BMP10: variants seen among roughly 807,000 people sequenced by gnomAD.
BMP10 encodes the protein bone morphogenetic protein 10.
A neutral mutation model predicts 29.9 loss-of-function variants in BMP10; 9 were observed. The observed-to-expected ratio is 0.30, with a 90% CI of 0.18 to 0.53. The LOEUF is 0.53. BMP10 is among the 20% of genes least tolerant of loss of function. The pLI is 0.96. For synonymous variants in BMP10, 202 were observed against 200.2 expected (o/e 1.01, Z -0.07); for missense variants, 474 against 524.3 (o/e 0.90, Z 0.94).
In BMP10 at chr2:68,866,332, A is replaced by C; in HGVS notation, c.574T>G (p.Tyr192Asp). 1 of 1,613,902 alleles carries C rather than the reference A, an allele frequency of 6.2e-7. No homozygotes were observed. Residue 192 changes from tyrosine to aspartate, a missense_variant, in exon 2 of 2, where the codon TAT becomes GAT. By Grantham distance (160) the Tyr-to-Asp change is radical. Transcript: ENST00000295379. ...GTCTCCCACTCACTGTTGGTTCCAT[A>C]TATCTCCCCAGACACCAAGACCAGC... ...NMLVLVSGEI[Y>D]GTNSEWETFD...
intron 1 of BMP10, among the ~76,000 whole-genome samples, chr2:68,870,193 C>T (rs938257107): frequency 6.6e-6 from 1 of 152,144 alleles, no homozygotes; most frequent in Admixed American, 6.5e-5. Context: ...CCTTCAGCTT[C>T]TACTATAGAT....
At chr2:68,870,994 T>G in intron 1 of BMP10, 31 bp downstream of exon 1, 1 of 1,585,504 alleles carries the variant, frequency 6.3e-7, no homozygotes. Context: ...TTGAAAAAAA[T>G]CCTAGCAAAA....
Position 68,871,162 on chromosome 2 carries a change from AG to A in BMP10, c.196del (p.Leu66Ter), listed in dbSNP as rs867113819. ...CTGCGTGGGGATGTCAGAGAGGTTT[AG>A]TGTCTTAAGAAACTCATCCTTCATG... ...QSMKDEFLKT[L>X]NLSDIPTQDS... On this transcript the variant is annotated frameshift_variant, in exon 1 of 2. Transcript: ENST00000295379. LOFTEE classifies it high-confidence loss of function. 3 of 1,614,020 alleles carry A rather than the reference AG, an allele frequency of 1.9e-6. No individual in the cohort carries two copies. The highest frequency in any genetic ancestry group is 2.5e-6 in the Non-Finnish European group (3 of 1,180,022).
At position 68,866,443 on chromosome 2, in the gene BMP10, G is replaced by T. The variant is rs528178471; in HGVS notation, c.463C>A (p.Arg155Ser). The T allele has an allele frequency of 2.5e-6, 4 of 1,613,752 alleles. No homozygotes were observed. The South Asian group carries it at 4.4e-5, about 18-fold the overall frequency. ...LRLYTLVQRD[R>S]MIYDGVDRKI... ...CGGTCTACTCCATCGTATATCATAC[G>T]ATCCCTTTGCACCAGTGTGTATAGC... Residue 155 changes from arginine to serine, a missense_variant, in exon 2 of 2, where the codon CGT becomes AGT. By Grantham distance (110) the Arg-to-Ser change is moderately radical. This residue lies in a region of BMP10 where 408 missense variants were observed against 415.3 expected (regional missense o/e 0.98). Coordinates refer to ENST00000295379, the MANE Select transcript of BMP10 (RefSeq NM_014482.3).
Position 68,866,207 on chromosome 2 carries a change from A to C in BMP10, c.699T>G (p.Asp233Glu), listed in dbSNP as rs1441368989. Residue 233 changes from aspartate to glutamate, a missense_variant, in exon 2 of 2, where the codon GAT becomes GAG. By Grantham distance (45) the Asp-to-Glu change is conservative. Around this residue, in one of 2 missense-constraint regions of BMP10, gnomAD observed 408 missense variants for 415.3 expected, o/e 0.98. Transcript: ENST00000295379. ...CTATTTCTAGCCGTCCACTGCTGGC[A>C]TCCTCAGCTTCATCGTGTTTGCTCT... Reference protein sequence around the residue: ...HIESKHDEAEDASSGRLEIDT... With the variant: ...HIESKHDEAEEASSGRLEIDT... The C allele has an allele frequency of 6.2e-7, 1 of 1,614,000 alleles. No homozygotes were observed. Among genetic ancestry groups the C allele is most frequent in the Admixed American group, 1.7e-5 (1 of 59,984 alleles).
chr2:68,870,643 G>A (rs1447129328), intron 1 of BMP10, among the ~76,000 whole-genome samples: 6 of 152,162 alleles, frequency 3.9e-5, no homozygotes, highest in African/African-American at 1.4e-4. Flanking sequence ...TAGAAGTTGA[G>A]AAATTTTTTA....
intron 1 of BMP10, among the ~76,000 whole-genome samples, chr2:68,868,717 T>A (rs910398193): frequency 1.3e-5 from 2 of 151,884 alleles, no homozygotes; most frequent in African/African-American, 4.8e-5. Flanking sequence ...CATGGAAGAG[T>A]AGGCTGGTTG....
intron 1 of BMP10, among the ~76,000 whole-genome samples, chr2:68,867,325 C>A (rs1381688631): frequency 6.6e-6 from 1 of 152,150 alleles, no homozygotes; most frequent in African/African-American, 2.4e-5. Context: ...GGCAACAAAG[C>A]CTGACAAGGC....
intron 1 of BMP10, 136 bp from the exon 2 acceptor site, chr2:68,866,707 C>A: frequency 1.4e-6 from 1 of 700,502 alleles, no homozygotes; most frequent in Non-Finnish European, 2.3e-6. Context: ...TCAATGAGAA[C>A]AAACACAATG....
Position 68,863,605 on chromosome 2 carries a change from T to C in BMP10, c.*2026A>G, listed in dbSNP as rs1682900658. Among the ~76,000 whole-genome samples the C allele has an allele frequency of 6.6e-6, 1 of 152,180 alleles. No individual in the cohort carries two copies. Among genetic ancestry groups the C allele is most frequent in the Non-Finnish European group, 1.5e-5 (1 of 68,028 alleles). ...CCACAAATAGTGATTCTGAGTTGCA[T>C]GGCTTTCTCAAAGCATCAATCACTG... On this transcript the variant is annotated 3_prime_UTR_variant, in exon 2 of 2. Coordinates refer to ENST00000295379, the MANE Select transcript of BMP10 (RefSeq NM_014482.3).
chr2:68,865,573 A>C lies in BMP10; in HGVS notation c.*58T>G. ...ACACCCTTATTAAATAATCTCATTAAATAGGAACACCAAATATACACATTT... is the reference window on the plus strand; with the variant it reads ...ACACCCTTATTAAATAATCTCATTACATAGGAACACCAAATATACACATTT... On this transcript the variant is annotated 3_prime_UTR_variant, in exon 2 of 2. Coordinates refer to ENST00000295379, the MANE Select transcript of BMP10 (RefSeq NM_014482.3). The surrounding 1 kb of genome is among the most constrained non-coding windows in gnomAD (Gnocchi z 4.7). 1 of 1,503,374 alleles carries C rather than the reference A, an allele frequency of 6.7e-7. No individual in the cohort carries two copies. The highest frequency in any genetic ancestry group is 9.1e-7 in the Non-Finnish European group (1 of 1,101,334). 93.1% of individuals were successfully genotyped at this position (1,503,374 alleles called of 1,614,324 possible). A position where few individuals can be genotyped will look rare whatever the true frequency, so the allele number is the denominator to read the frequency against.
chr2:68,866,233 C>T lies in BMP10; in HGVS notation c.673G>A (p.Glu225Lys). The change falls in exon 2 of 2, where the codon GAG becomes AAG. Residue 225 changes from glutamate to lysine, a missense_variant. Physicochemically the swap from Glu to Lys is moderately conservative, Grantham distance 56 (BLOSUM62 1). Transcript: ENST00000295379. Reference sequence around the variant, plus strand: ...TCCTCAGCTTCATCGTGTTTGCTCTCAATGTGGACCTCCAGCTGGTGGGTG... The same window carrying T: ...TCCTCAGCTTCATCGTGTTTGCTCTTAATGTGGACCTCCAGCTGGTGGGTG... ...SSTHQLEVHI[E>K]SKHDEAEDAS... 6.2e-7 allele frequency: 1 copy of T among 1,614,084 alleles called. No homozygotes were observed. Among genetic ancestry groups the T allele is most frequent in the South Asian group, 1.1e-5 (1 of 91,078 alleles).
In BMP10 at chr2:68,869,632, C is replaced by A. The variant is rs185697033; in HGVS notation, c.334+1393G>T. On this transcript the variant is annotated intron_variant, in intron 1 of 1. Coordinates refer to ENST00000295379, the MANE Select transcript of BMP10 (RefSeq NM_014482.3). ...CACCCTGAGCCAGACACTTAGGGCTCAGTGCTGAGAAGTATTAGGGAGGGT... is the reference window on the plus strand; with the variant it reads ...CACCCTGAGCCAGACACTTAGGGCTAAGTGCTGAGAAGTATTAGGGAGGGT... Among the ~76,000 whole-genome samples, 39 of 152,274 alleles carry A rather than the reference C, an allele frequency of 2.6e-4. No homozygotes were observed. The East Asian group carries it at 6.8e-3, about 26-fold the overall frequency.
chr2:68,861,408 A>G lies in BMP10; in HGVS notation c.*4223T>C, dbSNP rs1682851441. 6.6e-6 allele frequency among the ~76,000 whole-genome samples: 1 copy of G among 152,212 alleles called. No homozygotes were observed. The highest frequency in any genetic ancestry group is 2.1e-4 in the South Asian group (1 of 4,834). On this transcript the variant is annotated 3_prime_UTR_variant, in exon 2 of 2. Coordinates refer to ENST00000295379, the MANE Select transcript of BMP10 (RefSeq NM_014482.3). ...ATGATGGGTTTTTAACTTATGACAAATATTTCACATGCAGAAACACCCCTG... is the reference window on the plus strand; with the variant it reads ...ATGATGGGTTTTTAACTTATGACAAGTATTTCACATGCAGAAACACCCCTG...
rs1682874769 is a variant in BMP10 at position 68,862,380 on chromosome 2, A to G, written c.*3251T>C. ...ATATGTGAGCCATACTCTGAAGCCC[A>G]GAAGACTCTCTATCCAAAAGGGAAT... On this transcript the variant is annotated 3_prime_UTR_variant, in exon 2 of 2. Coordinates refer to ENST00000295379, the MANE Select transcript of BMP10 (RefSeq NM_014482.3). Among the ~76,000 whole-genome samples, 2 of 152,228 alleles carry G rather than the reference A, an allele frequency of 1.3e-5. No homozygotes were observed. The highest frequency in any genetic ancestry group is 6.5e-5 in the Admixed American group (1 of 15,282).
Position 68,865,491 on chromosome 2 carries a change from T to C in BMP10, c.*140A>G. ...ACTTAACTGGAGAGGAAAATATGCA[T>C]TTCCTACAACAAACTGACCTGTCCA... On this transcript the variant is annotated 3_prime_UTR_variant, in exon 2 of 2. Transcript: ENST00000295379. The surrounding 1 kb of genome is among the most constrained non-coding windows in gnomAD (Gnocchi z 4.7). The C allele has an allele frequency of 1.2e-6, 1 of 861,476 alleles. No homozygotes were observed. The highest frequency in any genetic ancestry group is 1.8e-6 in the Non-Finnish European group (1 of 570,688). 53.4% of individuals were successfully genotyped at this position (861,476 alleles called of 1,614,324 possible).
Position 68,865,371 on chromosome 2 carries a change from T to C in BMP10, c.*260A>G. 2.0e-6 allele frequency: 1 copy of C among 492,038 alleles called. No individual in the cohort carries two copies. The highest frequency in any genetic ancestry group is 3.6e-6 in the Non-Finnish European group (1 of 276,868). 30.5% of individuals were successfully genotyped at this position (492,038 alleles called of 1,614,324 possible). On this transcript the variant is annotated 3_prime_UTR_variant, in exon 2 of 2. Transcript: ENST00000295379. This position sits in a 1 kb window ranked among gnomAD's most constrained non-coding sequence, Gnocchi z 4.7. ...TATACATACACAAGTGTGTGTCTTT[T>C]GACACTGTATTTTGCCTAGGGGTTG...
At position 68,865,434 on chromosome 2, in the gene BMP10, G is replaced by C. The variant is rs1682931977; in HGVS notation, c.*197C>G. On this transcript the variant is annotated 3_prime_UTR_variant, in exon 2 of 2. Transcript: ENST00000295379. The surrounding 1 kb of genome is among the most constrained non-coding windows in gnomAD (Gnocchi z 4.7). Reference sequence around the variant, plus strand: ...CAGGGAGGTGGCATTGCCAGGAAATGGCAAGTCCAAAGAGAAAACAGATTG... The same window carrying C: ...CAGGGAGGTGGCATTGCCAGGAAATCGCAAGTCCAAAGAGAAAACAGATTG... 1.7e-6 allele frequency: 1 copy of C among 597,166 alleles called. No homozygotes were observed. The highest frequency in any genetic ancestry group is 2.8e-6 in the Non-Finnish European group (1 of 355,340). The allele number at this position is 597,166 out of a possible 1,614,324, so 37.0% of individuals were successfully genotyped here. A position where few individuals can be genotyped will look rare whatever the true frequency, so the allele number is the denominator to read the frequency against.
intron 1 of BMP10, 60 bp downstream of exon 1, chr2:68,870,965 T>C (rs1683055355): frequency 6.9e-7 from 1 of 1,442,936 alleles, no homozygotes; most frequent in Non-Finnish European, 9.6e-7. Flanking sequence ...CCATGCATTG[T>C]AAATTTACTT....
Sources: gnomAD v4.1 joint callset for allele counts (sites outside exome capture counted in the v4.1 genomes callset) on GRCh38, gnomAD v4.1.1 for gene constraint, gnomAD v4.1.1 regional missense constraint, Gnocchi (gnomAD v3.1) non-coding constraint, MANE v1.5 for transcripts, NCBI Gene and HGNC (gene_info 2026-07-23, HGNC 2026-07-21) for gene names.